The following ANKS1B variants were observed in gnomAD, a reference collection of about 807,000 sequenced individuals.
ANKS1B encodes ankyrin repeat and sterile alpha motif domain-containing protein 1B.
In ANKS1B, 36 loss-of-function variants were observed where a neutral mutation model predicts 148.3. That is an observed-to-expected ratio of 0.24 (90% CI 0.19 to 0.32). The LOEUF (loss-of-function observed/expected upper bound fraction) is 0.32, where lower values mean the gene tolerates loss of function less well. ANKS1B is among the 10% of genes least tolerant of loss of function. The pLI, the probability that ANKS1B is intolerant of heterozygous loss-of-function variation, is 1.00. For synonymous variants in ANKS1B, 542 were observed against 560.8 expected (o/e 0.97, Z 0.47); for missense variants, 1,157 against 1,542.6 (o/e 0.75, Z 4.19).
At chr12:99,062,387 A>T (rs770334729) in intron 16 of ANKS1B, among the ~76,000 whole-genome samples, 1 of 152,174 alleles carries the variant, frequency 6.6e-6, no homozygotes, top group African/African-American at 2.4e-5. Flanking sequence ...TGCAGAGGTG[A>T]CTTTGTAGTG....
chr12:99,926,527 A>T (rs11110130), intron 1 of ANKS1B, among the ~76,000 whole-genome samples: 10,166 of 152,256 alleles, frequency 0.067, 401 homozygotes, highest in Non-Finnish European at 0.081. Flanking sequence ...CTGAAACATC[A>T]GCTCTTCCTG....
At chr12:99,361,764 G>A (rs2092480736) in intron 12 of ANKS1B, among the ~76,000 whole-genome samples, 1 of 151,900 alleles carries the variant, frequency 6.6e-6, no homozygotes, top group East Asian at 1.9e-4. Flanking sequence ...ATAATCATTG[G>A]GATAACTCGT....
intron 11 of ANKS1B, among the ~76,000 whole-genome samples, chr12:99,443,467 C>A: frequency 6.6e-6 from 1 of 151,970 alleles, no homozygotes; most frequent in East Asian, 1.9e-4. Context: ...AGGCACAATT[C>A]ATTTTTCCAA....
chr12:99,838,985 A>G (rs1198218160), intron 1 of ANKS1B, among the ~76,000 whole-genome samples: 1 of 152,126 alleles, frequency 6.6e-6, no homozygotes, highest in East Asian at 1.9e-4. Context: ...TTTAATTTCT[A>G]TAGCTTTATA....
intron 25 of ANKS1B, among the ~76,000 whole-genome samples, chr12:98,764,810 C>G (rs1381035168): frequency 6.6e-6 from 1 of 152,208 alleles, no homozygotes; most frequent in Non-Finnish European, 1.5e-5. Context: ...CGCGTCCCTC[C>G]TCTTGGAGAG....
chr12:99,672,985 A>G (rs893314169), intron 8 of ANKS1B, among the ~76,000 whole-genome samples: 1 of 152,164 alleles, frequency 6.6e-6, no homozygotes, highest in East Asian at 1.9e-4. Context: ...CTGATTTTAC[A>G]TAAAATCAAA....
At chr12:99,176,365 C>T (rs2078381832) in intron 14 of ANKS1B, among the ~76,000 whole-genome samples, 1 of 152,080 alleles carries the variant, frequency 6.6e-6, no homozygotes, top group Non-Finnish European at 1.5e-5. Flanking sequence ...TGCTCTAGAC[C>T]TTCAACAAGT....
chr12:99,673,888 C>G (rs1294244723), intron 8 of ANKS1B, among the ~76,000 whole-genome samples: 1 of 151,342 alleles, frequency 6.6e-6, no homozygotes, highest in Non-Finnish European at 1.5e-5. Context: ...TCAAGATCAG[C>G]TCAAAATTAT....
At chr12:99,826,185 A>T (rs545646719) in intron 1 of ANKS1B, among the ~76,000 whole-genome samples, 11 of 152,214 alleles carry the variant, frequency 7.2e-5, no homozygotes, top group Non-Finnish European at 1.3e-4. Flanking sequence ...CAAAACATTT[A>T]TTGTACACCA....
chr12:98,748,094 A>T (rs923319486), intron 26 of ANKS1B, among the ~76,000 whole-genome samples: 6 of 152,256 alleles, frequency 3.9e-5, no homozygotes, highest in Admixed American at 2.6e-4. Flanking sequence ...AATAACTAGA[A>T]GAATTGTAAT....
chr12:99,876,733 A>G (rs77655933), intron 1 of ANKS1B, among the ~76,000 whole-genome samples: 1 of 2,180 alleles, frequency 4.6e-4, no homozygotes, highest in Non-Finnish European at 6.2e-4. Context: ...GCTTCTCACA[A>G]AAAAAAAAAA....
intron 1 of ANKS1B, among the ~76,000 whole-genome samples, chr12:99,967,245 A>T (rs1311021092): frequency 2.0e-5 from 3 of 152,148 alleles, no homozygotes; most frequent in African/African-American, 7.2e-5. Flanking sequence ...ACTGTGATAG[A>T]TATTTTATAT....
intron 8 of ANKS1B, among the ~76,000 whole-genome samples, chr12:99,734,282 A>G (rs1437736925): frequency 6.6e-6 from 1 of 151,386 alleles, no homozygotes. Flanking sequence ...TTTTCTCTCT[A>G]CTAGAAAACC....
Position 99,588,025 on chromosome 12 carries a change from A to G in ANKS1B, c.1272+67042T>C, listed in dbSNP as rs562484904. 2.0e-5 allele frequency among the ~76,000 whole-genome samples: 3 copies of G among 152,314 alleles called. No individual in the cohort carries two copies. In the South Asian group the frequency reaches 6.2e-4, roughly 32 times the overall value. ...GTTACATTGAGTCAGATATTATGACATATTACATAGCCTTTCTATAGTGGA... is the reference window on the plus strand; with the variant it reads ...GTTACATTGAGTCAGATATTATGACGTATTACATAGCCTTTCTATAGTGGA... On this transcript the variant is annotated intron_variant, in intron 9 of 26. Transcript: ENST00000683438.
At chr12:99,011,401 T>C (rs2153411730) in intron 17 of ANKS1B, among the ~76,000 whole-genome samples, 1 of 152,308 alleles carries the variant, frequency 6.6e-6, no homozygotes, top group East Asian at 1.9e-4. Context: ...AACCGCAGAA[T>C]AGCTATTTTG....
intron 14 of ANKS1B, among the ~76,000 whole-genome samples, chr12:99,213,760 G>A (rs2083705369): frequency 6.6e-6 from 1 of 152,178 alleles, no homozygotes; most frequent in South Asian, 2.1e-4. Flanking sequence ...GGCTTACATA[G>A]ACAGTGGTAG....
At chr12:99,065,166 C>T (rs2043703546) in intron 16 of ANKS1B, among the ~76,000 whole-genome samples, 1 of 152,236 alleles carries the variant, frequency 6.6e-6, no homozygotes, top group Non-Finnish European at 1.5e-5. Context: ...TACATGTTTT[C>T]TGTCATTCAT....
intron 12 of ANKS1B, among the ~76,000 whole-genome samples, chr12:99,303,938 G>C (rs867057041): frequency 2.6e-5 from 4 of 152,082 alleles, no homozygotes; most frequent in African/African-American, 9.7e-5. Flanking sequence ...CTCCATCTAG[G>C]TTGCTGAGAA....
intron 16 of ANKS1B, among the ~76,000 whole-genome samples, chr12:99,059,693 T>G (rs1359127401): frequency 6.6e-6 from 1 of 151,046 alleles, no homozygotes; most frequent in Non-Finnish European, 1.5e-5. Flanking sequence ...AATTCCTAAA[T>G]TTTGCAATTC....
Sources: allele counts gnomAD v4.1 joint callset (sites outside exome capture counted in the v4.1 genomes callset), GRCh38; gene constraint gnomAD v4.1.1; transcripts MANE v1.5; gene names NCBI Gene and HGNC (gene_info 2026-07-23, HGNC 2026-07-21).